Variants in UTP20 observed in about 807,000 individuals in gnomAD.
The protein encoded by UTP20 is UTP20 small subunit processome component, also known as small subunit processome component 20 homolog.
Under a neutral mutation model 329.5 loss-of-function variants are expected in UTP20, and 164 were observed. The observed-to-expected ratio is 0.50, with a 90% CI of 0.44 to 0.57. UTP20 has a LOEUF of 0.57. Among genes scored for constraint, UTP20 ranks in the 20% least tolerant of loss-of-function variants. The probability of loss-of-function intolerance (pLI) is 0.00; values close to 1 mark genes in which losing one functional copy is unlikely to be tolerated. For synonymous variants in UTP20, 1,151 were observed against 1,159.3 expected, an observed-to-expected ratio of 0.99 and a Z score of 0.14; for missense variants, 3,055 against 3,284.2, an observed-to-expected ratio of 0.93 and a Z score of 1.71.
intron 38 of UTP20, among the ~76,000 whole-genome samples, chr12:101,351,610 G>A (rs1382704603): frequency 2.0e-5 from 3 of 147,926 alleles, no homozygotes; most frequent in South Asian, 2.1e-4. Context: ...AACATGTGCC[G>A]TGGTGGTTTG....
rs1394416270 is a variant in UTP20 at position 101,334,416 on chromosome 12, G to A, written c.3562-9G>A. ...TATTTGGTATTCTGTTTTTTACTTT[G>A]TCTCCTAGATCAGCAGGCTTGGATC... On this transcript the variant is annotated splice_polypyrimidine_tract_variant and intron_variant, in intron 28 of 61. Transcript: ENST00000261637. The A allele has an allele frequency of 1.9e-6, 3 of 1,608,308 alleles. No homozygotes were observed. Among genetic ancestry groups the A allele is most frequent in the African/African-American group, 1.3e-5 (1 of 74,710 alleles).
chr12:101,295,763 GT>G, intron 12 of UTP20, 105 bp downstream of exon 12: 1 of 1,258,424 alleles, frequency 7.9e-7, no homozygotes, highest in Admixed American at 2.8e-5. Context: ...CAGGAAAGAT[GT>G]CCATGATAAG....
chr12:101,342,029 A>G (rs1593440195), intron 32 of UTP20, among the ~76,000 whole-genome samples: 1 of 152,324 alleles, frequency 6.6e-6, no homozygotes, highest in South Asian at 2.1e-4. Context: ...AATATACAGA[A>G]GGGTGTGTGT....
intron 60 of UTP20, among the ~76,000 whole-genome samples, chr12:101,384,784 C>A (rs531503205): frequency 2.0e-3 from 301 of 152,200 alleles, no homozygotes; most frequent in Non-Finnish European, 3.3e-3. Context: ...TACAGTCCTA[C>A]AACCTTGGGA....
At chr12:101,296,003 T>C (rs1872335761) in intron 12 of UTP20, among the ~76,000 whole-genome samples, 1 of 152,188 alleles carries the variant, frequency 6.6e-6, no homozygotes, top group African/African-American at 2.4e-5. Flanking sequence ...TTGCAAGAAA[T>C]AGTACAGAGA....
In UTP20 at chr12:101,333,589, C is replaced by G. The variant is rs1217964957; in HGVS notation, c.3561+145C>G. ...CCCTTCTTTCTGGAAGTTTTTAGAA[C>G]ACTTTTCTTTGCCTTCACTACCACC... On this transcript the variant is annotated intron_variant, in intron 28 of 61. Transcript: ENST00000261637. 5 of 1,076,612 alleles carry G rather than the reference C, an allele frequency of 4.6e-6. No individual in the cohort carries two copies. In the South Asian group the frequency reaches 8.3e-5, roughly 18 times the overall value. The allele number at this position is 1,076,612 out of a possible 1,614,324, so 66.7% of individuals were successfully genotyped here.
At chr12:101,353,639 A>G (rs904840334) in intron 40 of UTP20, among the ~76,000 whole-genome samples, 8 of 152,192 alleles carry the variant, frequency 5.3e-5, no homozygotes, top group African/African-American at 1.7e-4. Context: ...AGCTGGCTGC[A>G]GTGAGCTATG....
chr12:101,289,738 A>G (rs1872078563), intron 6 of UTP20, among the ~76,000 whole-genome samples: 1 of 152,196 alleles, frequency 6.6e-6, no homozygotes, highest in African/African-American at 2.4e-5. Context: ...GCATGGTGTC[A>G]TTTGTGTTTG....
chr12:101,309,460 T>C (rs984861516), intron 18 of UTP20, among the ~76,000 whole-genome samples: 3 of 152,218 alleles, frequency 2.0e-5, no homozygotes, highest in Admixed American at 2.0e-4. Flanking sequence ...ACAGCAACAT[T>C]TGTTAGAAGG....
intron 11 of UTP20, among the ~76,000 whole-genome samples, chr12:101,294,401 G>A (rs769547258): frequency 6.6e-6 from 1 of 151,902 alleles, no homozygotes; most frequent in Non-Finnish European, 1.5e-5. Flanking sequence ...TATGGCAGAT[G>A]GACTTTAGTT....
At position 101,300,003 on chromosome 12, in the gene UTP20, C is replaced by T. The variant is rs146441448; in HGVS notation, c.1617C>T (p.Leu539=). 113 of 1,614,142 alleles carry T rather than the reference C, an allele frequency of 7.0e-5. No individual in the cohort carries two copies. In the Admixed American group the frequency reaches 1.6e-3, roughly 24 times the overall value. Residue 539 remains leucine (L), a synonymous_variant, in exon 14 of 62, where the codon CTC becomes CTT. Transcript: ENST00000261637. The part of the protein sequence containing the change: ...RPLEKEKVIP[L]VTGFIEALFM... ...TTGAGAAAGAGAAGGTGATACCACT[C>T]GTCACCGGCTTCATAGAGGCACTCT...
Position 101,338,882 on chromosome 12 carries a change from C to G in UTP20, c.3938C>G (p.Thr1313Ser). The change falls in exon 31 of 62, where the codon ACC (threonine) becomes AGC (serine). Residue 1313 changes from threonine (T) to serine (S), a missense_variant. Physicochemically the swap from Thr to Ser is moderately conservative, Grantham distance 58 (BLOSUM62 1). Coordinates refer to ENST00000261637, the MANE Select transcript of UTP20 (RefSeq NM_014503.3). Reference sequence around the variant, plus strand: ...GCAATTCTTCAGTATCTCAGCAAAACCACAATAAGCGCAGAAAAGGTGAAA... The same window carrying G: ...GCAATTCTTCAGTATCTCAGCAAAAGCACAATAAGCGCAGAAAAGGTGAAA... ...VPAILQYLSK[T>S]TISAEKVKKK... The G allele has an allele frequency of 6.2e-7, 1 of 1,611,858 alleles. No homozygotes were observed. The highest frequency in any genetic ancestry group is 8.5e-7 in the Non-Finnish European group (1 of 1,179,384).
At chr12:101,300,103 G>A (rs370358512) in intron 14 of UTP20, 42 bp downstream of exon 14, 62 of 1,570,062 alleles carry the variant, frequency 3.9e-5, no homozygotes, top group East Asian at 2.0e-4. Context: ...TTCTTTTCTG[G>A]CACACTCAAA....
At chr12:101,360,264 C>T (rs1438181760) in intron 43 of UTP20, among the ~76,000 whole-genome samples, 1 of 152,146 alleles carries the variant, frequency 6.6e-6, no homozygotes, top group African/African-American at 2.4e-5. Flanking sequence ...AAGTTGGGCA[C>T]AGTGGTGTGT....
chr12:101,362,010 A>C lies in UTP20; in HGVS notation c.5740A>C (p.Asn1914His). 6.2e-7 allele frequency: 1 copy of C among 1,613,778 alleles called. No individual in the cohort carries two copies. The highest frequency in any genetic ancestry group is 8.5e-7 in the Non-Finnish European group (1 of 1,179,780). ...TCACATGCTGCTGCAAGGCCTCACC[A>C]ATAAGCTGCAGGTCGGAGATTTGGA... ...TVHMLLQGLT[N>H]KLQVGDLDSC... Residue 1914 changes from asparagine (N) to histidine (H), a missense_variant, in exon 44 of 62, where the codon AAT becomes CAT. By Grantham distance (68) the Asn-to-His change is moderately conservative. This residue lies in a region of UTP20 where 2,445 missense variants were observed against 2,575.5 expected (regional missense o/e 0.95). Coordinates refer to ENST00000261637, the MANE Select transcript of UTP20 (RefSeq NM_014503.3).
chr12:101,333,062 G>C (rs974025707), intron 27 of UTP20, among the ~76,000 whole-genome samples: 2 of 152,146 alleles, frequency 1.3e-5, no homozygotes, highest in Non-Finnish European at 2.9e-5. Context: ...TTTTCTTAAG[G>C]ATAACTAGTG....
chr12:101,320,997 T>A, intron 24 of UTP20, 60 bp downstream of exon 24: 1 of 1,434,894 alleles, frequency 7.0e-7, no homozygotes, highest in Non-Finnish European at 9.5e-7. Flanking sequence ...TATTTCTGCC[T>A]AAGAGCCTCT....
intron 38 of UTP20, among the ~76,000 whole-genome samples, chr12:101,351,637 A>G (rs1280548350): frequency 1.3e-5 from 2 of 149,754 alleles, no homozygotes; most frequent in Non-Finnish European, 3.0e-5. Flanking sequence ...CTACTAACCC[A>G]TCACCTAGAT....
intron 30 of UTP20, 138 bp downstream of exon 30, chr12:101,338,415 T>G: frequency 1.3e-6 from 1 of 780,172 alleles, no homozygotes; most frequent in South Asian, 1.9e-5. Flanking sequence ...GAACTAATAC[T>G]AATTTATATA....
Sources: allele counts gnomAD v4.1 joint callset (sites outside exome capture counted in the v4.1 genomes callset), GRCh38; gene constraint gnomAD v4.1.1; regional missense constraint gnomAD v4.1.1; transcripts MANE v1.5; gene names NCBI Gene and HGNC (gene_info 2026-07-23, HGNC 2026-07-21).